BOC: variants seen among roughly 807,000 people sequenced by gnomAD.
The protein encoded by BOC is brother of CDO.
Under a neutral mutation model 112.0 loss-of-function variants are expected in BOC, and 76 were observed. That is an observed-to-expected ratio of 0.68 (90% CI 0.56 to 0.82). The LOEUF (loss-of-function observed/expected upper bound fraction) is 0.82. Among genes scored for constraint, BOC ranks in the 40% least tolerant of loss-of-function variants. BOC has a pLI of 0.00. For synonymous variants in BOC, 580 were observed against 599.8 expected (o/e 0.97, Z 0.48); for missense variants, 1,309 against 1,511.7 (o/e 0.87, Z 2.22).
intron 16 of BOC, among the ~76,000 whole-genome samples, chr3:113,284,060 G>A (rs1161916008): frequency 6.6e-6 from 1 of 151,966 alleles, no homozygotes; most frequent in Non-Finnish European, 1.5e-5. Context: ...TCTAAATATT[G>A]TTCTTCTTTT....
At chr3:113,250,379 T>C (rs1175560986) in intron 3 of BOC, among the ~76,000 whole-genome samples, 176 bp from the exon 4 acceptor site, 1 of 152,210 alleles carries the variant, frequency 6.6e-6, no homozygotes, top group Non-Finnish European at 1.5e-5. Flanking sequence ...TCACTCCACA[T>C]CTACTCTCTG....
Position 113,284,876 on chromosome 3 carries a change from C to T in BOC, c.2966+18C>T, listed in dbSNP as rs374435730. ...ATCACGAGGTAACCAGGCCTCTCCCCTTTCACTCCCAAGCCCCACAGCCTC... is the reference window on the plus strand; with the variant it reads ...ATCACGAGGTAACCAGGCCTCTCCCTTTTCACTCCCAAGCCCCACAGCCTC... On this transcript the variant is annotated intron_variant, in intron 18 of 19. Transcript: ENST00000682979. The T allele has an allele frequency of 6.8e-6, 11 of 1,609,670 alleles. No individual in the cohort carries two copies. The African/African-American group carries it at 8.0e-5, about 12-fold the overall frequency.
In BOC at chr3:113,280,560, C is replaced by T. The variant is rs367753465; in HGVS notation, c.2208C>T (p.Tyr736=). 1,849 of 1,599,792 alleles carry T rather than the reference C, an allele frequency of 1.2e-3. 39 individuals carry two copies. The South Asian group carries it at 0.019, about 17-fold the overall frequency. The change falls in exon 14 of 20, where the codon TAC becomes TAT. Residue 736 remains tyrosine (Y), a splice_region_variant and synonymous_variant. Transcript: ENST00000682979. The part of the protein sequence containing the change: ...NETTIMLKWM[Y]IPASNNNTPI... ...TGTTTCTTCTCCATTCCCTATAGTA[C>T]ATCCCAGCAAGTAACAACAACACCC...
At position 113,278,252 on chromosome 3, in the gene BOC, G is replaced by T. The variant is rs201625685; in HGVS notation, c.1700G>T (p.Arg567Leu). The T allele has an allele frequency of 4.9e-4, 798 of 1,613,996 alleles. 7 individuals are homozygous for T. Among genetic ancestry groups the T allele is most frequent in the Non-Finnish European group, 1.2e-4 (146 of 1,180,004 alleles). ...GGCCAGACAGCCATGGTCACCTTCCGAACTGGTGAGAGTCAAACATTGCCC... is the reference window on the plus strand; with the variant it reads ...GGCCAGACAGCCATGGTCACCTTCCTAACTGGTGAGAGTCAAACATTGCCC... ...GEGQTAMVTF[R>L]TGRRPKPEIM... The change falls in exon 10 of 20, where the codon CGA becomes CTA. Residue 567 changes from arginine (R) to leucine (L), a missense_variant. Arg to Leu is a moderately radical substitution (Grantham distance 102, BLOSUM62 -2). Transcript: ENST00000682979. This position sits in a 1 kb window ranked among gnomAD's most constrained non-coding sequence, Gnocchi z 4.2.
chr3:113,286,887 CTATA>C lies in BOC; in HGVS notation c.*29_*32del, dbSNP rs765583252. The C allele has an allele frequency of 2.7e-6, 4 of 1,505,318 alleles. No individual in the cohort carries two copies. The African/African-American group carries it at 4.4e-5, about 17-fold the overall frequency. The allele number at this position is 1,505,318 out of a possible 1,614,324, so 93.2% of individuals were successfully genotyped here. Reference sequence around the variant, plus strand: ...GGCAGAAGCTGATATCCCAGAAAGACTATATATTGTTTTTTTTTTAAAAAAAAAA... The same window carrying C: ...GGCAGAAGCTGATATCCCAGAAAGACTATTGTTTTTTTTTTAAAAAAAAAA... On this transcript the variant is annotated 3_prime_UTR_variant, in exon 20 of 20. Transcript: ENST00000682979.
At position 113,274,704 on chromosome 3, in the gene BOC, G is replaced by A; in HGVS notation, c.1542+22G>A. ...CAAGGTATGGCCCTGGTGTGGGGCT[G>A]CTGCCTCCCCTGCACAGCCTTTCCA... On this transcript the variant is annotated intron_variant, in intron 9 of 19. Coordinates refer to ENST00000682979, the MANE Select transcript of BOC (RefSeq NM_001378074.1). The surrounding 1 kb of genome is among the most constrained non-coding windows in gnomAD (Gnocchi z 4.8). 1 of 1,560,362 alleles carries A rather than the reference G, an allele frequency of 6.4e-7. No individual in the cohort carries two copies. Among genetic ancestry groups the A allele is most frequent in the Non-Finnish European group, 8.7e-7 (1 of 1,146,284 alleles).
intron 2 of BOC, among the ~76,000 whole-genome samples, chr3:113,238,916 G>A (rs1028700959): frequency 6.6e-6 from 1 of 152,216 alleles, no homozygotes; most frequent in African/African-American, 2.4e-5. Flanking sequence ...TAGAAAGAAG[G>A]TAGATGGCAA....
At chr3:113,247,124 T>C (rs1201985341) in intron 2 of BOC, among the ~76,000 whole-genome samples, 2 of 152,160 alleles carry the variant, frequency 1.3e-5, no homozygotes, top group Non-Finnish European at 2.9e-5. Context: ...TTGCCCTTCA[T>C]TACTTTATGT....
chr3:113,220,263 C>A (rs1016850914), intron 2 of BOC, among the ~76,000 whole-genome samples: 3 of 152,134 alleles, frequency 2.0e-5, no homozygotes, highest in Admixed American at 6.5e-5. Context: ...AGAGTGATGG[C>A]AATTTGGCTG....
intron 2 of BOC, among the ~76,000 whole-genome samples, chr3:113,217,758 A>G (rs1007280318): frequency 2.6e-5 from 4 of 152,116 alleles, no homozygotes; most frequent in African/African-American, 9.7e-5. Flanking sequence ...CATGTTCAGC[A>G]TAGTTTTTTT....
At chr3:113,228,290 G>A (rs540945173) in intron 2 of BOC, among the ~76,000 whole-genome samples, 3 of 151,990 alleles carry the variant, frequency 2.0e-5, no homozygotes, top group Non-Finnish European at 4.4e-5. Flanking sequence ...TTGAGGTGGG[G>A]CCCATTATTC....
In BOC at chr3:113,274,475, A is replaced by G. The variant is rs762985048; in HGVS notation, c.1335A>G (p.Gln445=). ...LGNPEQMLRG[Q]PALPRPPTSV... ...ACCCTGAGCAGATGCTGAGGGGGCA[A>G]CCGGCGCTCCCCAGACCCCCAACGT... The change falls in exon 9 of 20, where the codon CAA becomes CAG. Residue 445 remains glutamine, a synonymous_variant. Coordinates refer to ENST00000682979, the MANE Select transcript of BOC (RefSeq NM_001378074.1). The surrounding 1 kb of genome is among the most constrained non-coding windows in gnomAD (Gnocchi z 4.8). 1.2e-6 allele frequency: 2 copies of G among 1,611,536 alleles called. No homozygotes were observed. Among genetic ancestry groups the G allele is most frequent in the Admixed American group, 1.7e-5 (1 of 59,940 alleles).
At chr3:113,269,652 C>CTGT (rs950012929) in intron 5 of BOC, 1 of 152,042 alleles carries the variant, frequency 6.6e-6, no homozygotes, top group Non-Finnish European at 1.5e-5. Context: ...ATACAGAAAA[C>CTGT]TGTTTTCAAA....
Position 113,272,519 on chromosome 3 carries a change from C to T in BOC, c.777C>T (p.Pro259=). 1 of 1,614,114 alleles carries T rather than the reference C, an allele frequency of 6.2e-7. No individual in the cohort carries two copies. Among genetic ancestry groups the T allele is most frequent in the South Asian group, 1.1e-5 (1 of 91,076 alleles). The change falls in exon 7 of 20, where the codon CCC becomes CCT. Residue 259 remains proline, a synonymous_variant. Transcript: ENST00000682979. The part of the protein sequence containing the change: ...ILECVASGIP[P]PRVTWAKDGS... ...AGTGTGTGGCCAGTGGAATCCCACC[C>T]CCACGGGTCACCTGGGCCAAGGATG...
intron 9 of BOC, among the ~76,000 whole-genome samples, chr3:113,276,114 C>T (rs534966676): frequency 6.6e-6 from 1 of 152,328 alleles, no homozygotes; most frequent in East Asian, 1.9e-4. Context: ...CTGGACACCT[C>T]CATCTCAGAG....
In BOC at chr3:113,286,893, A is replaced by C; in HGVS notation, c.*31A>C. 1 of 1,470,792 alleles carries C rather than the reference A, an allele frequency of 6.8e-7. No homozygotes were observed. The highest frequency in any genetic ancestry group is 9.1e-7 in the Non-Finnish European group (1 of 1,104,152). The allele number at this position is 1,470,792 out of a possible 1,614,324, so 91.1% of individuals were successfully genotyped here. A position where few individuals can be genotyped will look rare whatever the true frequency, so the allele number is the denominator to read the frequency against. The stretch of plus-strand genomic sequence containing the variant: ...AGCTGATATCCCAGAAAGACTATAT[A>C]TTGTTTTTTTTTTAAAAAAAAAAAG... On this transcript the variant is annotated 3_prime_UTR_variant, in exon 20 of 20. Coordinates refer to ENST00000682979, the MANE Select transcript of BOC (RefSeq NM_001378074.1).
chr3:113,281,653 C>G (rs55969905), intron 15 of BOC, among the ~76,000 whole-genome samples: 6,957 of 152,270 alleles, frequency 0.046, 183 homozygotes, highest in African/African-American at 0.067. Context: ...CACATAATAA[C>G]TTGTTAATAT....
chr3:113,259,287 C>G (rs1045635424), intron 4 of BOC, among the ~76,000 whole-genome samples: 1 of 152,172 alleles, frequency 6.6e-6, no homozygotes, highest in South Asian at 2.1e-4. Context: ...CACTCACAGC[C>G]AAATGCTTAA....
chr3:113,271,600 C>G (rs114278013), intron 6 of BOC: 1 of 190,802 alleles, frequency 5.2e-6, no homozygotes, highest in East Asian at 1.3e-4. Flanking sequence ...TGACAGAAGC[C>G]TCACAAGGCC....
Sources: gnomAD v4.1 joint callset for allele counts (sites outside exome capture counted in the v4.1 genomes callset) on GRCh38, gnomAD v4.1.1 for gene constraint, Gnocchi (gnomAD v3.1) non-coding constraint, MANE v1.5 for transcripts, NCBI Gene and HGNC (gene_info 2026-07-23, HGNC 2026-07-21) for gene names.